The following EXOC6 variants were observed in gnomAD, a reference collection of about 807,000 sequenced individuals.
EXOC6 encodes the protein exocyst complex component 6.
EXOC6 carries 60 observed loss-of-function variants against 112.5 expected under a neutral mutation model. That is an observed-to-expected ratio of 0.53 (90% CI 0.43 to 0.66). The LOEUF (loss-of-function observed/expected upper bound fraction) is 0.66. EXOC6 is among the 30% of genes least tolerant of loss of function. EXOC6 has a pLI of 0.00. For missense variants in EXOC6, 855 were observed against 957.1 expected (o/e 0.89, Z 1.41); for synonymous variants, 295 against 308.0 (o/e 0.96, Z 0.44).
chr10:93,054,677 TC>T (rs1403272916), intron 20 of EXOC6, among the ~76,000 whole-genome samples: 1 of 152,226 alleles, frequency 6.6e-6, no homozygotes, highest in Non-Finnish European at 1.5e-5. Flanking sequence ...TGCGGGTTTT[TC>T]ATTCATTAAG....
At chr10:92,960,711 T>G (rs779393678) in intron 17 of EXOC6, among the ~76,000 whole-genome samples, 11 of 152,152 alleles carry the variant, frequency 7.2e-5, no homozygotes, top group Non-Finnish European at 1.5e-4. Context: ...TTCCTCTCAG[T>G]ACTGACTTTT....
chr10:93,037,314 A>AT (rs1242988433), intron 20 of EXOC6, among the ~76,000 whole-genome samples: 2 of 150,706 alleles, frequency 1.3e-5, no homozygotes, highest in African/African-American at 2.4e-5. Context: ...TGATTTTTGT[A>AT]TTTTTTGTAG....
At chr10:92,947,115 T>C (rs1050267643) in intron 13 of EXOC6, among the ~76,000 whole-genome samples, 1 of 152,220 alleles carries the variant, frequency 6.6e-6, no homozygotes, top group African/African-American at 2.4e-5. Context: ...AATCAATGAT[T>C]GGATGACAGT....
At position 92,940,759 on chromosome 10, in the gene EXOC6, C is replaced by G. The variant is rs747032414; in HGVS notation, c.1245C>G (p.Asp415Glu). 1.9e-6 allele frequency: 3 copies of G among 1,603,918 alleles called. No homozygotes were observed. The highest frequency in any genetic ancestry group is 2.6e-6 in the Non-Finnish European group (3 of 1,175,896). The stretch of plus-strand genomic sequence containing the variant: ...GTTTTCCAGTGAACCGACTTTTTGA[C>G]CTTTTATTTGAAATAAGAGACCAAT... ...GYGFPVNRLFDLLFEIRDQYN... is the reference protein window; with the variant it reads ...GYGFPVNRLFELLFEIRDQYN... The change falls in exon 13 of 22, where the codon GAC becomes GAG. Residue 415 changes from aspartate to glutamate, a missense_variant. Around this residue, in one of 2 missense-constraint regions of EXOC6, gnomAD observed 450 missense variants for 563.5 expected, o/e 0.80. Transcript: ENST00000260762.
At position 92,913,136 on chromosome 10, in the gene EXOC6, T is replaced by C. The variant is rs181074621; in HGVS notation, c.664-2622T>C. ...CATTTCATCTTTTATTCCATAGCAA[T>C]AGTTTCAGGGGGTCTCCCTACAAGA... On this transcript the variant is annotated intron_variant, in intron 6 of 21. Transcript: ENST00000260762. 3.2e-3 allele frequency among the ~76,000 whole-genome samples: 494 copies of C among 152,302 alleles called. 4 individuals carry two copies. Among genetic ancestry groups the C allele is most frequent in the African/African-American group, 0.011 (456 of 41,556 alleles).
chr10:92,882,935 G>C (rs1417387657), intron 1 of EXOC6, among the ~76,000 whole-genome samples: 3 of 152,194 alleles, frequency 2.0e-5, no homozygotes, highest in African/African-American at 7.2e-5. Context: ...CAAATAGAGT[G>C]TCTCAGTGTA....
At chr10:92,978,509 T>C (rs756138612) in intron 18 of EXOC6, among the ~76,000 whole-genome samples, 3 of 152,172 alleles carry the variant, frequency 2.0e-5, no homozygotes, top group Non-Finnish European at 2.9e-5. Context: ...AATTATTGAC[T>C]ATGGTAAATT....
chr10:92,980,231 T>G (rs1426175952), intron 18 of EXOC6, among the ~76,000 whole-genome samples: 1 of 152,172 alleles, frequency 6.6e-6, no homozygotes, highest in Non-Finnish European at 1.5e-5. Flanking sequence ...GAACTTTAGA[T>G]TTGTAATTTA....
intron 1 of EXOC6, among the ~76,000 whole-genome samples, chr10:92,863,844 G>A (rs1848030910): frequency 6.6e-6 from 1 of 151,136 alleles, no homozygotes; most frequent in Non-Finnish European, 1.5e-5. Context: ...GAACCCGGGA[G>A]GCGGAGCTTG....
chr10:92,931,297 T>G (rs1473128772), intron 9 of EXOC6, among the ~76,000 whole-genome samples: 2 of 151,644 alleles, frequency 1.3e-5, no homozygotes, highest in East Asian at 3.9e-4. Flanking sequence ...TTTTTTAGTG[T>G]AGTACTGAGT....
chr10:92,926,472 T>C (rs1851727888), intron 8 of EXOC6, among the ~76,000 whole-genome samples: 1 of 151,790 alleles, frequency 6.6e-6, no homozygotes, highest in African/African-American at 2.4e-5. Context: ...GTATATTTTA[T>C]ATTTTTTTAG....
intron 1 of EXOC6, among the ~76,000 whole-genome samples, chr10:92,874,540 T>C (rs1794123684): frequency 6.6e-6 from 1 of 152,144 alleles, no homozygotes; most frequent in African/African-American, 2.4e-5. Context: ...CTGTAAACCT[T>C]TTTTAATTGT....
At chr10:93,055,708 T>TTCAAC (rs1268137342) in intron 20 of EXOC6, among the ~76,000 whole-genome samples, 1 of 152,108 alleles carries the variant, frequency 6.6e-6, no homozygotes, top group African/African-American at 2.4e-5. Flanking sequence ...GTTTCAACTG[T>TTCAAC]TGGTATGGCC....
Position 93,058,537 on chromosome 10 carries a change from A to G in EXOC6, c.*182A>G, listed in dbSNP as rs1846650084. 2 of 434,946 alleles carry G rather than the reference A, an allele frequency of 4.6e-6. No homozygotes were observed. Among genetic ancestry groups the G allele is most frequent in the Non-Finnish European group, 7.7e-6 (2 of 259,648 alleles). 26.9% of individuals were successfully genotyped at this position (434,946 alleles called of 1,614,324 possible). A position where few individuals can be genotyped will look rare whatever the true frequency, so the allele number is the denominator to read the frequency against. On this transcript the variant is annotated 3_prime_UTR_variant, in exon 22 of 22. Transcript: ENST00000260762. Reference sequence around the variant, plus strand: ...TGTATGGATTTTTAAATAATCGAATACTATTTTATATATGGAAAAAAATGA... The same window carrying G: ...TGTATGGATTTTTAAATAATCGAATGCTATTTTATATATGGAAAAAAATGA...
At chr10:93,008,538 A>G (rs1294819275) in intron 19 of EXOC6, among the ~76,000 whole-genome samples, 1 of 152,236 alleles carries the variant, frequency 6.6e-6, no homozygotes, top group Non-Finnish European at 1.5e-5. Flanking sequence ...CAAATTATAT[A>G]CAAAATGAGA....
At chr10:92,931,679 T>A (rs1417766185) in intron 9 of EXOC6, among the ~76,000 whole-genome samples, 1 of 151,740 alleles carries the variant, frequency 6.6e-6, no homozygotes, top group Non-Finnish European at 1.5e-5. Context: ...AATAAGCATA[T>A]GAGAAGATGC....
At chr10:92,848,507 T>C, upstream of EXOC6, 2 of 1,239,066 alleles carry the variant, frequency 1.6e-6, no homozygotes, top group South Asian at 2.9e-5. Context: ...GCGCCGCGCC[T>C]CGCTGGCTCC....
At chr10:92,843,856 C>T (rs1240151439), upstream of EXOC6, among the ~76,000 whole-genome samples, 2 of 151,660 alleles carry the variant, frequency 1.3e-5, no homozygotes, top group Non-Finnish European at 2.9e-5. Flanking sequence ...GGCGTGGTGG[C>T]TGGCACCTGT....
intron 8 of EXOC6, among the ~76,000 whole-genome samples, chr10:92,927,876 CA>C (rs1851812034): frequency 6.6e-6 from 1 of 152,046 alleles, no homozygotes; most frequent in Non-Finnish European, 1.5e-5. Flanking sequence ...ATAGCCTGCA[CA>C]AAAGCCTGGA....
Sources: gnomAD v4.1 joint callset for allele counts (sites outside exome capture counted in the v4.1 genomes callset) on GRCh38, gnomAD v4.1.1 for gene constraint, gnomAD v4.1.1 regional missense constraint, MANE v1.5 for transcripts, NCBI Gene and HGNC (gene_info 2026-07-23, HGNC 2026-07-21) for gene names.